Variants in PSMD1 observed in about 807,000 individuals in gnomAD.
PSMD1 encodes 26S proteasome non-ATPase regulatory subunit 1.
In PSMD1, 18 loss-of-function variants were observed where a neutral mutation model predicts 119.0. That is an observed-to-expected ratio of 0.15 (90% CI 0.10 to 0.22). PSMD1 has a LOEUF of 0.22. Among genes scored for constraint, PSMD1 ranks in the 10% least tolerant of loss-of-function variants. The pLI is 1.00. For missense variants in PSMD1, 702 were observed against 1,158.5 expected (o/e 0.61, Z 5.72); for synonymous variants, 374 against 396.6 (o/e 0.94, Z 0.68).
In PSMD1 at chr2:231,056,881, C is replaced by T; in HGVS notation, c.-145C>T. The stretch of plus-strand genomic sequence containing the variant: ...GGGCGGGCGGGGTCCTGGCGAGAAG[C>T]GAGCCGGCGGCCTGAGGAGGCGACT... On this transcript the variant is annotated 5_prime_UTR_variant, in exon 1 of 25. Coordinates refer to ENST00000308696, the MANE Select transcript of PSMD1 (RefSeq NM_002807.4). 1.7e-6 allele frequency: 2 copies of T among 1,161,340 alleles called. No individual in the cohort carries two copies. The highest frequency in any genetic ancestry group is 1.2e-6 in the Non-Finnish European group (1 of 819,328). The allele number at this position is 1,161,340 out of a possible 1,614,324, so 71.9% of individuals were successfully genotyped here.
At chr2:231,072,631 T>G (rs1328340369) in intron 7 of PSMD1, among the ~76,000 whole-genome samples, 3 of 152,028 alleles carry the variant, frequency 2.0e-5, no homozygotes, top group Non-Finnish European at 2.9e-5. Flanking sequence ...GAAATAGAAG[T>G]GATTATCTCG....
At chr2:231,133,386 AC>A (rs1370532359) in intron 16 of PSMD1, 1 of 152,182 alleles carries the variant, frequency 6.6e-6, no homozygotes, top group African/African-American at 2.4e-5. Flanking sequence ...TGTGGCACTT[AC>A]CTAATGAGAA....
chr2:231,086,029 T>G (rs1694423250), intron 15 of PSMD1, among the ~76,000 whole-genome samples: 1 of 151,838 alleles, frequency 6.6e-6, no homozygotes, highest in Non-Finnish European at 1.5e-5. Flanking sequence ...GCTGAAATAG[T>G]CTTTTTCTTT....
chr2:231,058,952 GTC>G (rs60086521), intron 1 of PSMD1, among the ~76,000 whole-genome samples: 88 of 150,304 alleles, frequency 5.9e-4, no homozygotes, highest in African/African-American at 1.7e-3. Context: ...CCTGATCACT[GTC>G]TCTCTCTCTC....
chr2:231,122,515 TCA>T (rs1695580771), intron 16 of PSMD1, among the ~76,000 whole-genome samples: 1 of 152,168 alleles, frequency 6.6e-6, no homozygotes, highest in African/African-American at 2.4e-5. Context: ...GAATGGAATA[TCA>T]GTTTATACCA....
chr2:231,123,565 G>A, intron 16 of PSMD1: 2 of 1,613,998 alleles, frequency 1.2e-6, no homozygotes, highest in Non-Finnish European at 1.7e-6. Flanking sequence ...ACCAATTGTG[G>A]GTATTATCAC....
At chr2:231,167,901 C>G (rs1696825422) in intron 23 of PSMD1, among the ~76,000 whole-genome samples, 1 of 152,174 alleles carries the variant, frequency 6.6e-6, no homozygotes, top group Non-Finnish European at 1.5e-5. Flanking sequence ...TGCTCAACAT[C>G]ATTACTCATT....
intron 16 of PSMD1, among the ~76,000 whole-genome samples, chr2:231,102,960 T>TG (rs1694904469): frequency 1.3e-5 from 2 of 152,236 alleles, no homozygotes; most frequent in South Asian, 4.1e-4. Context: ...GCATGTTAGA[T>TG]GAGTCATACG....
intron 18 of PSMD1, among the ~76,000 whole-genome samples, chr2:231,150,805 C>CA (rs1327872230): frequency 4.6e-5 from 7 of 151,550 alleles, no homozygotes; most frequent in East Asian, 3.9e-4. Context: ...ATTTCACAGA[C>CA]AAAAAAAACA....
intron 16 of PSMD1, among the ~76,000 whole-genome samples, chr2:231,119,366 C>T (rs960059924): frequency 2.2e-4 from 33 of 152,254 alleles, no homozygotes; most frequent in African/African-American, 7.9e-4. Context: ...TTATAAGATG[C>T]TGGGCCCTGC....
intron 23 of PSMD1, 109 bp downstream of exon 23, chr2:231,166,126 C>G: frequency 9.2e-7 from 1 of 1,083,592 alleles, no homozygotes; most frequent in Non-Finnish European, 1.3e-6. Context: ...AGCAAGCTCA[C>G]TAGTTCTAAG....
chr2:231,144,498 C>G (rs145241346), intron 17 of PSMD1, among the ~76,000 whole-genome samples: 42 of 136,752 alleles, frequency 3.1e-4, no homozygotes, highest in African/African-American at 1.2e-3. Flanking sequence ...ATGCTGATCA[C>G]GATCTCCTGA....
chr2:231,108,473 A>G, intron 16 of PSMD1: 1 of 1,420,238 alleles, frequency 7.0e-7, no homozygotes, highest in Non-Finnish European at 9.9e-7. Flanking sequence ...CATCTCATTC[A>G]TCATCTTACT....
intron 16 of PSMD1, among the ~76,000 whole-genome samples, chr2:231,090,568 A>T (rs1219899397): frequency 1.3e-5 from 2 of 152,200 alleles, no homozygotes; most frequent in Non-Finnish European, 2.9e-5. Flanking sequence ...CAAAAAAATA[A>T]ATAATAAATA....
At chr2:231,088,382 C>G (rs1345062240) in intron 16 of PSMD1, among the ~76,000 whole-genome samples, 1 of 152,208 alleles carries the variant, frequency 6.6e-6, no homozygotes, top group African/African-American at 2.4e-5. Context: ...TTAAGCTTTG[C>G]AGATACTGCA....
intron 16 of PSMD1, among the ~76,000 whole-genome samples, chr2:231,106,018 GT>G (rs11296704): frequency 0.44 from 54,797 of 124,334 alleles, 11,602 homozygotes; most frequent in African/African-American, 0.63. Context: ...GAATAAAAAG[GT>G]TTTTTTTTTT....
chr2:231,153,575 C>T lies in PSMD1; in HGVS notation c.2127C>T (p.Phe709=). Residue 709 remains phenylalanine, a synonymous_variant, in exon 19 of 25, where the codon TTC becomes TTT. Coordinates refer to ENST00000308696, the MANE Select transcript of PSMD1 (RefSeq NM_002807.4). ...TEITCPKVNQ[F]RQLYSKVIND... is the part of the protein sequence containing the mutation. The stretch of plus-strand genomic sequence containing the variant: ...TCTTGCTCCTTCAGGTGAATCAGTT[C>T]AGACAGCTGTATTCCAAAGTCATCA... 5.6e-6 allele frequency: 9 copies of T among 1,611,694 alleles called. No homozygotes were observed. The highest frequency in any genetic ancestry group is 7.6e-6 in the Non-Finnish European group (9 of 1,178,434).
At chr2:231,083,941 G>A (rs1488199259) in intron 14 of PSMD1, among the ~76,000 whole-genome samples, 178 bp downstream of exon 14, 2 of 152,162 alleles carry the variant, frequency 1.3e-5, no homozygotes, top group Non-Finnish European at 2.9e-5. Flanking sequence ...ATTAGAAAAG[G>A]TACATGGGAG....
intron 18 of PSMD1, among the ~76,000 whole-genome samples, chr2:231,146,580 A>G (rs1473720403): frequency 6.6e-6 from 1 of 152,252 alleles, no homozygotes; most frequent in Admixed American, 6.5e-5. Flanking sequence ...ATTTAAGTAT[A>G]TAACCATGCT....
Sources: gnomAD v4.1 joint callset for allele counts (sites outside exome capture counted in the v4.1 genomes callset) on GRCh38, gnomAD v4.1.1 for gene constraint, MANE v1.5 for transcripts, NCBI Gene and HGNC (gene_info 2026-07-23, HGNC 2026-07-21) for gene names.